Variants in UBA5 observed in about 807,000 individuals in gnomAD.
UBA5 encodes ubiquitin-like modifier-activating enzyme 5.
Under a neutral mutation model 52.9 loss-of-function variants are expected in UBA5, and 28 were observed. The ratio of observed to expected loss-of-function variants is 0.53; its 90% CI spans 0.39 to 0.73. The LOEUF (loss-of-function observed/expected upper bound fraction) is 0.73. Ranked by LOEUF, UBA5 falls within the 30% of genes least tolerant of loss-of-function variation. The pLI is 0.00. For synonymous variants in UBA5, 135 were observed against 162.1 expected (o/e 0.83, Z 1.27); for missense variants, 388 against 492.7 (o/e 0.79, Z 2.01).
chr3:132,660,656 T>G lies in UBA5; in HGVS notation c.119T>G (p.Ile40Ser), dbSNP rs1357465434. ...GACGGAGGGGGCGGCCGGGTCCGCA[T>G]CGAGAAGATGAGCTCAGAGGTGGTG... ...SGDGGGGRVR[I>S]EKMSSEVVDS... The change falls in exon 1 of 12, where the codon ATC becomes AGC. Residue 40 changes from isoleucine to serine, a missense_variant. This residue lies in a region of UBA5 where 95 missense variants were observed against 107.0 expected (regional missense o/e 0.89). Transcript: ENST00000356232. The surrounding 1 kb of genome is among the most constrained non-coding windows in gnomAD (Gnocchi z 4.1). The G allele has an allele frequency of 6.4e-7, 1 of 1,574,748 alleles. No homozygotes were observed. Among genetic ancestry groups the G allele is most frequent in the African/African-American group, 1.4e-5 (1 of 73,950 alleles).
In UBA5 at chr3:132,660,341, G is replaced by A; in HGVS notation, c.-197G>A. The A allele has an allele frequency of 3.0e-6, 2 of 659,018 alleles. No homozygotes were observed. The highest frequency in any genetic ancestry group is 5.1e-6 in the Non-Finnish European group (2 of 394,334). 40.8% of individuals were successfully genotyped at this position (659,018 alleles called of 1,614,324 possible). A position where few individuals can be genotyped will look rare whatever the true frequency, so the allele number is the denominator to read the frequency against. On this transcript the variant is annotated 5_prime_UTR_variant, in exon 1 of 12. Transcript: ENST00000356232. This position sits in a 1 kb window ranked among gnomAD's most constrained non-coding sequence, Gnocchi z 4.1. ...CGATGTCTGCGACGCACCGGAAGCG[G>A]CTCCGAGGAAGGCCTGTGGGAGTCT...
chr3:132,655,009 A>C (rs909049305), intron 1 of UBA5, among the ~76,000 whole-genome samples: 1 of 152,240 alleles, frequency 6.6e-6, no homozygotes, highest in African/African-American at 2.4e-5. Context: ...TAATTGTAAC[A>C]AAATGATAAG....
intron 3 of UBA5, chr3:132,667,975 G>A (rs1938443884): frequency 6.6e-6 from 1 of 152,002 alleles, no homozygotes; most frequent in South Asian, 2.1e-4. Flanking sequence ...TAGGTGTTAT[G>A]GGTTAGGTTA....
Position 132,675,610 on chromosome 3 carries a change from G to A in UBA5, c.954G>A (p.Lys318=). The change falls in exon 10 of 12, where the codon AAG becomes AAA. Residue 318 remains lysine, a synonymous_variant. Coordinates refer to ENST00000356232, the MANE Select transcript of UBA5 (RefSeq NM_024818.6). The part of the protein sequence containing the change: ...CRKQQEEYKK[K]VAALPKQEVI... ...ATGCTGTTTGATTTCTACAGAAAAA[G>A]GTAGCAGCACTGCCTAAACAAGAGG... 1 of 1,610,524 alleles carries A rather than the reference G, an allele frequency of 6.2e-7. No individual in the cohort carries two copies. Among genetic ancestry groups the A allele is most frequent in the Non-Finnish European group, 8.5e-7 (1 of 1,178,632 alleles).
Position 132,660,388 on chromosome 3 carries a change from G to A in UBA5, c.-150G>A, listed in dbSNP as rs992269363. 5.9e-5 allele frequency: 59 copies of A among 991,792 alleles called. No individual in the cohort carries two copies. The highest frequency in any genetic ancestry group is 1.1e-4 in the South Asian group (7 of 61,224). 61.4% of individuals were successfully genotyped at this position (991,792 alleles called of 1,614,324 possible). A position where few individuals can be genotyped will look rare whatever the true frequency, so the allele number is the denominator to read the frequency against. On this transcript the variant is annotated 5_prime_UTR_variant, in exon 1 of 12. Transcript: ENST00000356232. The surrounding 1 kb of genome is among the most constrained non-coding windows in gnomAD (Gnocchi z 4.1). ...GTCTCGGAGACGTGTCTGTCTGTGA[G>A]GCGCTGGGTGCACGTCCCCAGGGCT...
intron 4 of UBA5, among the ~76,000 whole-genome samples, 174 bp downstream of exon 4, chr3:132,669,101 T>C (rs945628329): frequency 6.6e-6 from 1 of 152,194 alleles, no homozygotes; most frequent in Non-Finnish European, 1.5e-5. Context: ...ATAGGTTAGA[T>C]AATAAATATT....
chr3:132,663,979 C>A (rs1938272804), intron 1 of UBA5, among the ~76,000 whole-genome samples: 5 of 151,882 alleles, frequency 3.3e-5, no homozygotes, highest in Admixed American at 2.6e-4. Context: ...AAGAAATCAT[C>A]CAGAGAATAG....
intron 1 of UBA5, among the ~76,000 whole-genome samples, chr3:132,662,846 G>GT (rs1432822948): frequency 6.6e-6 from 1 of 152,100 alleles, no homozygotes; most frequent in Non-Finnish European, 1.5e-5. Context: ...AACCCAAACC[G>GT]TTTCCCTCAT....
At chr3:132,673,556 C>T (rs567803982) in intron 8 of UBA5, among the ~76,000 whole-genome samples, 24 of 152,210 alleles carry the variant, frequency 1.6e-4, no homozygotes, top group African/African-American at 5.8e-4. Context: ...CCATGTTGCT[C>T]AGGCTGTTCT....
chr3:132,661,349 T>C (rs949374811), intron 1 of UBA5, among the ~76,000 whole-genome samples: 9 of 152,220 alleles, frequency 5.9e-5, no homozygotes, highest in Non-Finnish European at 1.0e-4. Context: ...AACTTTCCGC[T>C]TCAGCTTCTC....
chr3:132,662,974 T>C lies in UBA5; in HGVS notation c.161+2276T>C, dbSNP rs569117591. Reference sequence around the variant, plus strand: ...GCCATCACTTTCTACCCAACCTCACTAAAGTGACAGTAAAGGAATTTTTTA... The same window carrying C: ...GCCATCACTTTCTACCCAACCTCACCAAAGTGACAGTAAAGGAATTTTTTA... On this transcript the variant is annotated intron_variant, in intron 1 of 11. Transcript: ENST00000356232. Among the ~76,000 whole-genome samples, 61 of 152,240 alleles carry C rather than the reference T, an allele frequency of 4.0e-4. No individual in the cohort carries two copies. The South Asian group carries it at 0.012, about 30-fold the overall frequency.
Position 132,666,079 on chromosome 3 carries a change from A to C in UBA5, c.297+6A>C, listed in dbSNP as rs766751608. 2 of 1,612,278 alleles carry C rather than the reference A, an allele frequency of 1.2e-6. No homozygotes were observed. Among genetic ancestry groups the C allele is most frequent in the Non-Finnish European group, 1.7e-6 (2 of 1,178,482 alleles). On this transcript the variant is annotated splice_donor_region_variant and intron_variant, in intron 3 of 11. Transcript: ENST00000356232. ...CAAGATGTGGCATTGGTAAGGTAAA[A>C]ACATTTCTCTTTGCCTGTCATATAG...
intron 1 of UBA5, chr3:132,665,620 G>T: frequency 1.8e-6 from 1 of 546,974 alleles, no homozygotes. Flanking sequence ...TGTTTCATAT[G>T]CTACACTTGG....
chr3:132,660,869 A>G lies in UBA5; in HGVS notation c.161+171A>G. On this transcript the variant is annotated intron_variant, in intron 1 of 11. Coordinates refer to ENST00000356232, the MANE Select transcript of UBA5 (RefSeq NM_024818.6). This position sits in a 1 kb window ranked among gnomAD's most constrained non-coding sequence, Gnocchi z 4.1. ...GCCACATCTTAGTACTGATCGGAAG[A>G]TATTCTTTCTCTTTTTTAAAAACCT... 1.4e-6 allele frequency: 2 copies of G among 1,445,460 alleles called. No homozygotes were observed. Among genetic ancestry groups the G allele is most frequent in the Middle Eastern group, 1.9e-4 (1 of 5,310 alleles). The allele number at this position is 1,445,460 out of a possible 1,614,324, so 89.5% of individuals were successfully genotyped here. A position where few individuals can be genotyped will look rare whatever the true frequency, so the allele number is the denominator to read the frequency against.
chr3:132,654,742 T>A (rs552482373), intron 1 of UBA5: 1 of 152,388 alleles, frequency 6.6e-6, no homozygotes, highest in South Asian at 2.1e-4. Flanking sequence ...GAATACTTGC[T>A]GTGTTTCCCT....
In UBA5 at chr3:132,676,016, GT is replaced by G; in HGVS notation, c.1131+97del. 1 of 879,620 alleles carries G rather than the reference GT, an allele frequency of 1.1e-6. No homozygotes were observed. The highest frequency in any genetic ancestry group is 1.7e-6 in the Non-Finnish European group (1 of 577,870). The allele number at this position is 879,620 out of a possible 1,614,324, so 54.5% of individuals were successfully genotyped here. A position where few individuals can be genotyped will look rare whatever the true frequency, so the allele number is the denominator to read the frequency against. On this transcript the variant is annotated intron_variant, in intron 11 of 11. Coordinates refer to ENST00000356232, the MANE Select transcript of UBA5 (RefSeq NM_024818.6). The surrounding 1 kb of genome is among the most constrained non-coding windows in gnomAD (Gnocchi z 4.1). ...TTGTAATGCCAATGAAGTATTTCCT[GT>G]TTTAGATATTTTATGCTATAGGCAT...
In UBA5 at chr3:132,679,138, C is replaced by A. The variant is rs144527673; in HGVS notation, c.*2612C>A. Among the ~76,000 whole-genome samples, 2 of 151,624 alleles carry A rather than the reference C, an allele frequency of 1.3e-5. No individual in the cohort carries two copies. Among genetic ancestry groups the A allele is most frequent in the Non-Finnish European group, 2.9e-5 (2 of 67,926 alleles). ...CAAAAATTAGCCGGGCGTGGTGGTG[C>A]GTGACTGTAATCCCAGCTACTTAGG... On this transcript the variant is annotated 3_prime_UTR_variant, in exon 12 of 12. Transcript: ENST00000356232.
intron 3 of UBA5, chr3:132,668,176 TG>T (rs1938456404): frequency 6.6e-6 from 1 of 152,054 alleles, no homozygotes; most frequent in South Asian, 2.1e-4. Flanking sequence ...TGTGTGTGTG[TG>T]TGTGTGTGTG....
rs1022318854 is a variant in UBA5 at position 132,676,263 on chromosome 3, A to G, written c.1132-180A>G. 1.1e-4 allele frequency among the ~76,000 whole-genome samples: 16 copies of G among 152,068 alleles called. No homozygotes were observed. Among genetic ancestry groups the G allele is most frequent in the African/African-American group, 3.6e-4 (15 of 41,572 alleles). ...ATTGAAATTACTGCCTTGTAAATCA[A>G]AAGACTGGTGAGGAATGTAAAAGAC... On this transcript the variant is annotated intron_variant, in intron 11 of 11. Coordinates refer to ENST00000356232, the MANE Select transcript of UBA5 (RefSeq NM_024818.6). This position sits in a 1 kb window ranked among gnomAD's most constrained non-coding sequence, Gnocchi z 4.1.
Sources: allele counts gnomAD v4.1 joint callset (sites outside exome capture counted in the v4.1 genomes callset), GRCh38; gene constraint gnomAD v4.1.1; regional missense constraint gnomAD v4.1.1; non-coding constraint Gnocchi (gnomAD v3.1); transcripts MANE v1.5; gene names NCBI Gene and HGNC (gene_info 2026-07-23, HGNC 2026-07-21).